DMD: variants seen among roughly 807,000 people sequenced by gnomAD.
DMD encodes mutant dystrophin.
In DMD, 63 loss-of-function variants were observed where a neutral mutation model predicts 330.1. The ratio of observed to expected loss-of-function variants is 0.19; its 90% CI spans 0.16 to 0.24. The LOEUF (loss-of-function observed/expected upper bound fraction) is 0.24. Ranked by LOEUF, DMD falls within the 10% of genes least tolerant of loss-of-function variation. The probability of loss-of-function intolerance (pLI) is 1.00; values close to 1 mark genes in which losing one functional copy is unlikely to be tolerated. For missense variants in DMD, 3,344 were observed against 2,684.1 expected (o/e 1.25, Z -5.43); for synonymous variants, 1,223 against 959.8 (o/e 1.27, Z -5.07).
intron 2 of DMD, among the ~76,000 whole-genome samples, chrX:32,899,673 CAAAAAAAAA>C (rs755390925): frequency 9.4e-5 from 4 of 42,699 alleles, no homozygotes; most frequent in African/African-American, 3.4e-4. Flanking sequence ...GACTCCGTCT[CAAAAAAAAA>C]AAAAAAAGAA....
intron 1 of DMD, among the ~76,000 whole-genome samples, chrX:33,030,677 A>T (rs952879542): frequency 8.9e-6 from 1 of 111,839 alleles, no homozygotes; most frequent in African/African-American, 3.2e-5. Flanking sequence ...TTTAGAGGTG[A>T]AATTAACTAC....
intron 44 of DMD, among the ~76,000 whole-genome samples, chrX:32,050,222 G>T (rs2096098121): frequency 9.0e-6 from 1 of 110,700 alleles, no homozygotes; most frequent in Non-Finnish European, 1.9e-5. Flanking sequence ...TTTCAAATTT[G>T]AGCATGGATT....
chrX:32,361,543 G>A (rs1351640968), intron 37 of DMD, among the ~76,000 whole-genome samples: 2 of 111,390 alleles, frequency 1.8e-5, no homozygotes, highest in African/African-American at 3.3e-5. Context: ...TTTTAATTTG[G>A]GAAGGTGAAT....
chrX:31,424,159 T>C (rs2063574420), intron 60 of DMD, among the ~76,000 whole-genome samples: 1 of 110,946 alleles, frequency 9.0e-6, no homozygotes, highest in Non-Finnish European at 1.9e-5. Context: ...AAAAACAAAA[T>C]CTTCACAACT....
At chrX:32,780,408 T>G (rs2074605475) in intron 7 of DMD, among the ~76,000 whole-genome samples, 1 of 112,341 alleles carries the variant, frequency 8.9e-6, no homozygotes, top group Admixed American at 9.5e-5. Context: ...TCAATTACCT[T>G]GGGAATAAAT....
At chrX:31,173,436 G>T in intron 72 of DMD, 103 bp downstream of exon 72, 1 of 971,291 alleles carries the variant, frequency 1.0e-6, no homozygotes, top group Non-Finnish European at 1.4e-6. Context: ...AATCAGACAA[G>T]TTTGGGGAAA....
chrX:32,377,393 C>A (rs904185345), intron 34 of DMD, among the ~76,000 whole-genome samples: 3 of 111,763 alleles, frequency 2.7e-5, no homozygotes, highest in African/African-American at 9.7e-5. Flanking sequence ...GAGAAGTCAA[C>A]ATATTTTGAG....
At chrX:31,575,842 T>A (rs2076069413) in intron 55 of DMD, among the ~76,000 whole-genome samples, 1 of 112,043 alleles carries the variant, frequency 8.9e-6, no homozygotes, top group South Asian at 3.7e-4. Flanking sequence ...TTTATATGTA[T>A]CATAGCATAT....
chrX:32,888,271 A>G (rs1335267077), intron 2 of DMD, among the ~76,000 whole-genome samples: 5 of 110,337 alleles, frequency 4.5e-5, no homozygotes, highest in African/African-American at 1.7e-4. Context: ...TCCTGTGTGC[A>G]TTAGGTATTT....
intron 17 of DMD, among the ~76,000 whole-genome samples, chrX:32,536,285 A>T (rs1440301191): frequency 6.6e-4 from 71 of 107,934 alleles, no homozygotes; most frequent in African/African-American, 2.3e-3. Flanking sequence ...AAAAAAAAAA[A>T]AAACACACAA....
At chrX:31,470,670 G>C (rs1251715721) in intron 59 of DMD, among the ~76,000 whole-genome samples, 1 of 112,204 alleles carries the variant, frequency 8.9e-6, no homozygotes, top group African/African-American at 3.2e-5. Flanking sequence ...AGCAGAGCTC[G>C]AGTGCTGTGC....
intron 55 of DMD, among the ~76,000 whole-genome samples, chrX:31,575,740 ATAAT>A (rs377574084): frequency 2.5e-4 from 28 of 112,191 alleles, no homozygotes; most frequent in African/African-American, 7.4e-4. Flanking sequence ...GCTCATTTTT[ATAAT>A]TACAGTAGTT....
intron 17 of DMD, 109 bp from the exon 18 acceptor site, chrX:32,518,240 G>C (rs1477506495): frequency 2.6e-6 from 2 of 761,251 alleles, no homozygotes; most frequent in Admixed American, 5.5e-5. Flanking sequence ...TGAGACTCCT[G>C]CCTGACACCT....
chrX:31,527,718 T>A (rs2073353309), intron 55 of DMD, among the ~76,000 whole-genome samples: 1 of 111,511 alleles, frequency 9.0e-6, no homozygotes, highest in Admixed American at 9.5e-5. Flanking sequence ...TCAAAAGTGG[T>A]AGCGTCTAGA....
chrX:32,014,971 T>A (rs972997689), intron 44 of DMD, among the ~76,000 whole-genome samples: 3 of 112,298 alleles, frequency 2.7e-5, no homozygotes, highest in African/African-American at 9.7e-5. Flanking sequence ...AAGATGGTAG[T>A]TCTTAACACC....
intron 44 of DMD, among the ~76,000 whole-genome samples, chrX:32,174,164 A>G (rs1417167283): frequency 8.9e-6 from 1 of 112,068 alleles, no homozygotes; most frequent in Non-Finnish European, 1.9e-5. Context: ...GACATGGCAA[A>G]CTTATGACTT....
chrX:31,261,122 C>G (rs1208583738), intron 62 of DMD, 106 bp from the exon 63 acceptor site: 5 of 718,680 alleles, frequency 7.0e-6, no homozygotes, highest in Non-Finnish European at 1.1e-5. Context: ...TGCTTTTGAA[C>G]CATTCGGAAT....
intron 44 of DMD, among the ~76,000 whole-genome samples, chrX:31,999,287 C>G (rs1013629044): frequency 1.8e-5 from 2 of 111,865 alleles, no homozygotes; most frequent in Admixed American, 1.9e-4. Flanking sequence ...CTGTACCCAA[C>G]GTACAGTTGA....
rs750663938 is a variant in DMD, at chrX:31,420,535, AC to A, written c.9084+23945del. Among the ~76,000 whole-genome samples the A allele has an allele frequency of 8.0e-5, 9 of 112,439 alleles. No individual in the cohort carries two copies. The East Asian group carries it at 2.5e-3, about 31-fold the overall frequency. Reference sequence around the variant, plus strand: ...CACCTGACATCTGTTTTTTTTAATCACCCTTATAGCAAGTTAGTTTTAAAGA... The same window carrying A: ...CACCTGACATCTGTTTTTTTTAATCACCTTATAGCAAGTTAGTTTTAAAGA... On this transcript the variant is annotated intron_variant, in intron 60 of 78. Coordinates refer to ENST00000357033, the MANE Select transcript of DMD (RefSeq NM_004006.3).
Sources: gnomAD v4.1 joint callset for allele counts (sites outside exome capture counted in the v4.1 genomes callset) on GRCh38, gnomAD v4.1.1 for gene constraint, MANE v1.5 for transcripts, NCBI Gene and HGNC (gene_info 2026-07-23, HGNC 2026-07-21) for gene names.